The following PALB2 variants were observed in gnomAD, a reference collection of about 807,000 sequenced individuals.
PALB2 encodes mutant partner and localizer of BRCA2.
In PALB2, 82 loss-of-function variants were observed where a neutral mutation model predicts 107.4. The observed-to-expected ratio is 0.76, with a 90% CI of 0.64 to 0.92. The LOEUF (loss-of-function observed/expected upper bound fraction) is 0.92, where lower values mean the gene tolerates loss of function less well. Ranked by LOEUF, PALB2 falls within the 40% of genes least tolerant of loss-of-function variation. The probability of loss-of-function intolerance (pLI) is 0.00; values close to 1 mark genes in which losing one functional copy is unlikely to be tolerated. For missense variants in PALB2, 1,374 were observed against 1,379.9 expected (o/e 1.00, Z 0.07); for synonymous variants, 489 against 496.8 (o/e 0.98, Z 0.21).
chr16:23,621,298 T>A, intron 10 of PALB2, 64 bp downstream of exon 10: 1 of 1,066,730 alleles, frequency 9.4e-7, no homozygotes, highest in Non-Finnish European at 1.5e-6. Flanking sequence ...AACAACCCTG[T>A]AAAATTAGAG....
Position 23,629,831 on chromosome 16 carries a change from G to C in PALB2, c.2323C>G (p.Gln775Glu). The change falls in exon 5 of 13, where the codon CAA becomes GAA. Residue 775 changes from glutamine (Q) to glutamate (E), a missense_variant. By Grantham distance (29) the Gln-to-Glu change is conservative. Transcript: ENST00000261584. ...DSVCLASDTK[Q>E]FDSSGSPAKP... ...GCTGGGCTGCCTGAACTGTCGAATT[G>C]TTTAGTATCACTGGCAAGACAGACT... 6.2e-7 allele frequency: 1 copy of C among 1,614,214 alleles called. No homozygotes were observed. Among genetic ancestry groups the C allele is most frequent in the Non-Finnish European group, 8.5e-7 (1 of 1,180,036 alleles).
In PALB2 at chr16:23,608,217, GTTC is replaced by G. The variant is rs149585450; in HGVS notation, c.3202-208_3202-206del. On this transcript the variant is annotated intron_variant, in intron 11 of 12. Coordinates refer to ENST00000261584, the MANE Select transcript of PALB2 (RefSeq NM_024675.4). ...TACTGGACTGGACTTCTGGCTTCTTGTTCTTCTTCTTTTTTTTTTTAGAGACAA... is the reference window on the plus strand; with the variant it reads ...TACTGGACTGGACTTCTGGCTTCTTGTTCTTCTTTTTTTTTTTAGAGACAA... Among the ~76,000 whole-genome samples the G allele has an allele frequency of 0.025, 3,786 of 151,726 alleles. 69 individuals carry two copies. The highest frequency in any genetic ancestry group is 0.088 in the Middle Eastern group (26 of 294).
At chr16:23,611,685 C>T (rs1284389202) in intron 11 of PALB2, among the ~76,000 whole-genome samples, 12 of 151,072 alleles carry the variant, frequency 7.9e-5, no homozygotes, top group African/African-American at 2.7e-4. Flanking sequence ...CTTGAATTCC[C>T]GACCTCAGGT....
chr16:23,641,062 GA>G, intron 1 of PALB2, 47 bp downstream of exon 1: 1 of 1,604,422 alleles, frequency 6.2e-7, no homozygotes. Flanking sequence ...AAAACCCTGG[GA>G]AAGCGGGGTC....
At chr16:23,611,113 TATCTATCTATCA>T (rs1259154746) in intron 11 of PALB2, among the ~76,000 whole-genome samples, 2,224 of 151,170 alleles carry the variant, frequency 0.015, 19 homozygotes, top group Middle Eastern at 0.059. Flanking sequence ...TCTATCTATC[TATCTATCTATCA>T]ATCTATCTAT....
chr16:23,608,111 T>C (rs1028598423), intron 11 of PALB2, 99 bp from the exon 12 acceptor site: 1 of 1,271,578 alleles, frequency 7.9e-7, no homozygotes, highest in South Asian at 1.3e-5. Context: ...ATTAAAGCAA[T>C]GACCGATAGG....
chr16:23,621,253 T>G, intron 10 of PALB2, 109 bp downstream of exon 10: 1 of 805,566 alleles, frequency 1.2e-6, no homozygotes. Flanking sequence ...AAAACCACAA[T>G]CATGTTTACA....
chr16:23,613,644 C>CAA (rs58876099), intron 11 of PALB2, among the ~76,000 whole-genome samples: 1 of 129,842 alleles, frequency 7.7e-6, no homozygotes. Context: ...AACTCCATCC[C>CAA]AAAAAAAAAA....
intron 11 of PALB2, among the ~76,000 whole-genome samples, chr16:23,613,495 T>C (rs894830786): frequency 2.0e-5 from 3 of 151,974 alleles, no homozygotes; most frequent in African/African-American, 7.3e-5. Flanking sequence ...AATACAAAAA[T>C]TAGCCGGGTG....
chr16:23,611,824 G>T (rs1336133949), intron 11 of PALB2, among the ~76,000 whole-genome samples: 2 of 152,118 alleles, frequency 1.3e-5, no homozygotes, highest in Non-Finnish European at 2.9e-5. Context: ...TGCCATCATG[G>T]CTCACTGCAG....
Position 23,630,527 on chromosome 16 carries a change from G to T in PALB2, c.1685-58C>A, listed in dbSNP as rs180177108. 1 of 1,320,894 alleles carries T rather than the reference G, an allele frequency of 7.6e-7. No homozygotes were observed. The highest frequency in any genetic ancestry group is 1.1e-6 in the Non-Finnish European group (1 of 936,698). 81.8% of individuals were successfully genotyped at this position (1,320,894 alleles called of 1,614,324 possible). ...CAAAACCCAACAAAACAGACAATCT[G>T]TTTCACTGATGACAAAGAGAATAGG... On this transcript the variant is annotated intron_variant, in intron 4 of 12. Coordinates refer to ENST00000261584, the MANE Select transcript of PALB2 (RefSeq NM_024675.4).
chr16:23,639,813 T>C (rs1005186785), intron 1 of PALB2, among the ~76,000 whole-genome samples: 3 of 151,208 alleles, frequency 2.0e-5, no homozygotes, highest in African/African-American at 7.3e-5. Flanking sequence ...GAGCGGAGAG[T>C]CTGTCTCAAA....
rs1006299837 is a variant in PALB2 at position 23,629,355 on chromosome 16, A to G, written c.2515-80T>C. ...GCATTACCCACTCATCAAAATGTCT[A>G]CTTCGTATTGTCTTTATTTCCTCTT... is the stretch of plus-strand genomic sequence containing the variant. On this transcript the variant is annotated intron_variant, in intron 5 of 12. Transcript: ENST00000261584. 7 of 1,266,844 alleles carry G rather than the reference A, an allele frequency of 5.5e-6. No individual in the cohort carries two copies. In the Admixed American group the frequency reaches 6.7e-5, roughly 12 times the overall value. 78.5% of individuals were successfully genotyped at this position (1,266,844 alleles called of 1,614,324 possible).
In PALB2 at chr16:23,623,009, C is replaced by T. The variant is rs2142335233; in HGVS notation, c.2956G>A (p.Asp986Asn). Residue 986 changes from aspartate (D) to asparagine (N), a missense_variant, in exon 9 of 13, where the codon GAT becomes AAT. Physicochemically the swap from Asp to Asn is conservative, Grantham distance 23 (BLOSUM62 1). Coordinates refer to ENST00000261584, the MANE Select transcript of PALB2 (RefSeq NM_024675.4). ...RLVSSSGTLS[D>N]QQVEVMTFAE... Reference sequence around the variant, plus strand: ...AACGTCATGACTTCTACTTGTTGATCAGAAAGGGTCCCACTGCTACTAACT... The same window carrying T: ...AACGTCATGACTTCTACTTGTTGATTAGAAAGGGTCCCACTGCTACTAACT... 1 of 1,614,104 alleles carries T rather than the reference C, an allele frequency of 6.2e-7. No homozygotes were observed. The highest frequency in any genetic ancestry group is 8.5e-7 in the Non-Finnish European group (1 of 1,180,024).
At chr16:23,638,593 C>A (rs1200289087) in intron 1 of PALB2, 1 of 454,882 alleles carries the variant, frequency 2.2e-6, no homozygotes, top group Non-Finnish European at 4.4e-6. Context: ...TCTCTAGTAC[C>A]TGGAATAATA....
intron 11 of PALB2, among the ~76,000 whole-genome samples, chr16:23,612,775 C>T (rs939874445): frequency 4.6e-5 from 7 of 151,378 alleles, no homozygotes; most frequent in Non-Finnish European, 8.8e-5. Flanking sequence ...TTTTTTGAGA[C>T]GGAGTCTCGC....
intron 4 of PALB2, among the ~76,000 whole-genome samples, chr16:23,632,604 T>C (rs1480800467): frequency 6.6e-6 from 1 of 152,092 alleles, no homozygotes; most frequent in East Asian, 1.9e-4. Flanking sequence ...AGGAAATGGG[T>C]AGCAGCTGCT....
chr16:23,641,069 G>A (rs1488743657), intron 1 of PALB2, 41 bp downstream of exon 1: 1 of 1,607,892 alleles, frequency 6.2e-7, no homozygotes, highest in African/African-American at 1.3e-5. Context: ...TGGGAAAGCG[G>A]GGTCAGAGTC....
At chr16:23,633,073 G>A (rs1405135574) in intron 4 of PALB2, among the ~76,000 whole-genome samples, 5 of 152,120 alleles carry the variant, frequency 3.3e-5, no homozygotes, top group Non-Finnish European at 5.9e-5. Flanking sequence ...TATCCGGGGC[G>A]ACAAGGGTGA....
Sources: gnomAD v4.1 joint callset for allele counts (sites outside exome capture counted in the v4.1 genomes callset) on GRCh38, gnomAD v4.1.1 for gene constraint, MANE v1.5 for transcripts, NCBI Gene and HGNC (gene_info 2026-07-23, HGNC 2026-07-21) for gene names.